SPATS2L: variants seen among roughly 807,000 people sequenced by gnomAD.
SPATS2L encodes spermatogenesis associated serine rich 2 like, also known as SPATS2-like protein.
SPATS2L carries 30 observed loss-of-function variants against 59.6 expected under a neutral mutation model. The observed-to-expected ratio is 0.50, with a 90% CI of 0.38 to 0.68. The LOEUF (loss-of-function observed/expected upper bound fraction) is 0.68. Ranked by LOEUF, SPATS2L falls within the 30% of genes least tolerant of loss-of-function variation. The pLI is 0.00. For missense variants in SPATS2L, 615 were observed against 700.0 expected (o/e 0.88, Z 1.37); for synonymous variants, 252 against 263.5 (o/e 0.96, Z 0.42).
At chr2:200,426,726 C>CA (rs897824105) in intron 6 of SPATS2L, among the ~76,000 whole-genome samples, 4 of 152,104 alleles carry the variant, frequency 2.6e-5, no homozygotes, top group African/African-American at 9.7e-5. Context: ...GACCCCGCCT[C>CA]AAAAAATAAA....
intron 9 of SPATS2L, chr2:200,460,750 C>CAAA (rs1399614244): frequency 6.7e-6 from 1 of 150,034 alleles, no homozygotes; most frequent in Non-Finnish European, 1.5e-5. Context: ...GACTCCATCT[C>CAAA]AAAAAAAATA....
intron 1 of SPATS2L, among the ~76,000 whole-genome samples, chr2:200,329,083 A>G (rs1301883467): frequency 6.6e-6 from 1 of 152,184 alleles, no homozygotes; most frequent in Non-Finnish European, 1.5e-5. Context: ...CCCTAGAACA[A>G]TGCTAGACAC....
chr2:200,377,249 G>A lies in SPATS2L; in HGVS notation c.-22-11974G>A, dbSNP rs2081631804. 2.0e-5 allele frequency among the ~76,000 whole-genome samples: 3 copies of A among 152,188 alleles called. No homozygotes were observed. In the South Asian group the frequency reaches 6.2e-4, roughly 31 times the overall value. ...AATCCCAAAACTAGTAAGAGGTAGA[G>A]CTGGGATTCAATCTTGGTGAATCGT... On this transcript the variant is annotated intron_variant, in intron 2 of 12. Coordinates refer to ENST00000409140, the MANE Select transcript of SPATS2L (RefSeq NM_001100423.2).
At position 200,433,222 on chromosome 2, in the gene SPATS2L, C is replaced by T. The variant is rs957853096; in HGVS notation, c.446-5900C>T. On this transcript the variant is annotated intron_variant, in intron 6 of 12. Transcript: ENST00000409140. ...CTAAAGAAAGCGACAAATCCAAATC[C>T]ACAGCAGTGTAGATCTTAATATCAG... 2.0e-5 allele frequency among the ~76,000 whole-genome samples: 3 copies of T among 152,088 alleles called. No homozygotes were observed. In the East Asian group the frequency reaches 5.8e-4, roughly 29 times the overall value.
intron 2 of SPATS2L, among the ~76,000 whole-genome samples, chr2:200,332,036 C>T (rs1049397317): frequency 8.5e-5 from 13 of 152,112 alleles, no homozygotes; most frequent in Non-Finnish European, 1.0e-4. Flanking sequence ...GAACTTGGAA[C>T]CCTTTTGGTG....
In SPATS2L at chr2:200,306,735, T is replaced by C; in HGVS notation, c.-260T>C. 2.1e-6 allele frequency: 2 copies of C among 954,386 alleles called. No individual in the cohort carries two copies. Among genetic ancestry groups the C allele is most frequent in the Non-Finnish European group, 2.5e-6 (2 of 815,948 alleles). 59.1% of individuals were successfully genotyped at this position (954,386 alleles called of 1,614,324 possible). A position where few individuals can be genotyped will look rare whatever the true frequency, so the allele number is the denominator to read the frequency against. On this transcript the variant is annotated 5_prime_UTR_variant, in exon 1 of 13. Coordinates refer to ENST00000409140, the MANE Select transcript of SPATS2L (RefSeq NM_001100423.2). The stretch of plus-strand genomic sequence containing the variant: ...AATCCAGTCCGGGGGCCGAGCTGGC[T>C]GCGCCCTCCGCTGCAAGCGCCGGCA...
intron 1 of SPATS2L, among the ~76,000 whole-genome samples, chr2:200,309,373 A>G (rs770409597): frequency 2.6e-5 from 4 of 152,204 alleles, no homozygotes; most frequent in East Asian, 1.9e-4. Flanking sequence ...AGCTGCTACT[A>G]CCTGTCCCAC....
At chr2:200,445,676 A>C (rs1236703287) in intron 8 of SPATS2L, among the ~76,000 whole-genome samples, 1 of 152,214 alleles carries the variant, frequency 6.6e-6, no homozygotes, top group African/African-American at 2.4e-5. Flanking sequence ...TTGTTGAAAC[A>C]TATATCCTTG....
rs1390152568 is a variant in SPATS2L, at chr2:200,479,208, C to G, written c.*1177C>G. Reference sequence around the variant, plus strand: ...ATGAGCCACCGTACCCGGCCAGCTCCCATCTCTTAATTATCTTAGCTCTCC... The same window carrying G: ...ATGAGCCACCGTACCCGGCCAGCTCGCATCTCTTAATTATCTTAGCTCTCC... On this transcript the variant is annotated 3_prime_UTR_variant, in exon 13 of 13. Coordinates refer to ENST00000409140, the MANE Select transcript of SPATS2L (RefSeq NM_001100423.2). 9.9e-6 allele frequency: 2 copies of G among 201,174 alleles called. No homozygotes were observed. The highest frequency in any genetic ancestry group is 4.6e-5 in the African/African-American group (2 of 43,744). 12.5% of individuals were successfully genotyped at this position (201,174 alleles called of 1,614,324 possible).
rs1307965744 is a variant in SPATS2L, at chr2:200,473,071, A to G, written c.1281+19A>G. 2.7e-6 allele frequency: 4 copies of G among 1,506,998 alleles called. No homozygotes were observed. In the South Asian group the frequency reaches 4.9e-5, roughly 19 times the overall value. 93.4% of individuals were successfully genotyped at this position (1,506,998 alleles called of 1,614,324 possible). A position where few individuals can be genotyped will look rare whatever the true frequency, so the allele number is the denominator to read the frequency against. On this transcript the variant is annotated intron_variant, in intron 12 of 12. Coordinates refer to ENST00000409140, the MANE Select transcript of SPATS2L (RefSeq NM_001100423.2). ...CAAGCAGGTAAGCCGACACTGGTGC[A>G]GGGTGCCAGAGGAAAAAAAAAAAAA...
chr2:200,339,183 A>T (rs1310201213), intron 2 of SPATS2L, among the ~76,000 whole-genome samples: 1 of 152,224 alleles, frequency 6.6e-6, no homozygotes, highest in Non-Finnish European at 1.5e-5. Flanking sequence ...TAAATAAGAC[A>T]CTTGCCTCAT....
At chr2:200,378,524 A>C (rs1042258143) in intron 2 of SPATS2L, among the ~76,000 whole-genome samples, 7 of 152,192 alleles carry the variant, frequency 4.6e-5, no homozygotes, top group Non-Finnish European at 8.8e-5. Flanking sequence ...AGTGCGTTTA[A>C]GGCAGTACAT....
intron 2 of SPATS2L, among the ~76,000 whole-genome samples, chr2:200,332,204 A>G (rs553843361): frequency 8.6e-5 from 13 of 151,958 alleles, no homozygotes; most frequent in Non-Finnish European, 1.5e-4. Flanking sequence ...AAAGAGAGAG[A>G]TTTGGAAGAA....
chr2:200,370,054 C>T (rs962649110), intron 2 of SPATS2L, among the ~76,000 whole-genome samples: 1 of 152,172 alleles, frequency 6.6e-6, no homozygotes, highest in African/African-American at 2.4e-5. Context: ...TGGACTGGGG[C>T]CACCTGGCCG....
chr2:200,473,764 C>T (rs1356160389), intron 12 of SPATS2L, among the ~76,000 whole-genome samples: 1 of 152,106 alleles, frequency 6.6e-6, no homozygotes, highest in Non-Finnish European at 1.5e-5. Context: ...CTTTGGGAGG[C>T]CAAGGTGGGC....
At chr2:200,409,186 T>C (rs1375869985) in intron 3 of SPATS2L, among the ~76,000 whole-genome samples, 1 of 152,220 alleles carries the variant, frequency 6.6e-6, no homozygotes, top group Admixed American at 6.5e-5. Context: ...GCGTGAATTT[T>C]ATGAGTTCTC....
intron 2 of SPATS2L, among the ~76,000 whole-genome samples, chr2:200,369,356 A>G (rs906522366): frequency 6.6e-6 from 1 of 152,132 alleles, no homozygotes; most frequent in African/African-American, 2.4e-5. Flanking sequence ...ACAGGGTTTC[A>G]TCATGTTGGC....
At position 200,306,815 on chromosome 2, in the gene SPATS2L, C is replaced by G. The variant is rs2079029138; in HGVS notation, c.-180C>G. On this transcript the variant is annotated 5_prime_UTR_variant, in exon 1 of 13. Coordinates refer to ENST00000409140, the MANE Select transcript of SPATS2L (RefSeq NM_001100423.2). ...CCCAGGCAGCGGCTCCCGCTCGGCC[C>G]GCCCTCCGAGCCGCAGGGGCCGCCA... 3 of 980,792 alleles carry G rather than the reference C, an allele frequency of 3.1e-6. No individual in the cohort carries two copies. Among genetic ancestry groups the G allele is most frequent in the Admixed American group, 6.3e-5 (1 of 15,864 alleles). The allele number at this position is 980,792 out of a possible 1,614,324, so 60.8% of individuals were successfully genotyped here.
intron 3 of SPATS2L, among the ~76,000 whole-genome samples, chr2:200,396,033 A>AAAAATATATATAT (rs1553520464): frequency 1.4e-4 from 3 of 21,134 alleles, no homozygotes; most frequent in Non-Finnish European, 1.8e-4. Context: ...AAAAAAAAAA[A>AAAAATATATATAT]ATATATATAT....
Sources: allele counts gnomAD v4.1 joint callset (sites outside exome capture counted in the v4.1 genomes callset), GRCh38; gene constraint gnomAD v4.1.1; transcripts MANE v1.5; gene names NCBI Gene and HGNC (gene_info 2026-07-23, HGNC 2026-07-21).